The following CSMD1 variants were observed in gnomAD, a reference collection of about 807,000 sequenced individuals.
CSMD1 encodes the protein CUB and Sushi multiple domains 1, also known as CUB and sushi domain-containing protein 1.
Under a neutral mutation model 417.5 loss-of-function variants are expected in CSMD1, and 213 were observed. The observed-to-expected ratio is 0.51, with a 90% CI of 0.46 to 0.57. The LOEUF (loss-of-function observed/expected upper bound fraction) is 0.57, where lower values mean the gene tolerates loss of function less well. Ranked by LOEUF, CSMD1 falls within the 20% of genes least tolerant of loss-of-function variation. CSMD1 has a pLI of 0.00. For missense variants in CSMD1, 6,923 were observed against 4,529.7 expected (o/e 1.53, Z -15.17); for synonymous variants, 2,862 against 1,736.8 (o/e 1.65, Z -16.11).
chr8:3,954,914 C>A (rs1319120724), intron 5 of CSMD1, among the ~76,000 whole-genome samples: 2 of 152,206 alleles, frequency 1.3e-5, no homozygotes, highest in South Asian at 2.1e-4. Context: ...GCTCCTCCAT[C>A]TTTGTCCTTT....
At chr8:4,442,961 A>C (rs556299547) in intron 2 of CSMD1, among the ~76,000 whole-genome samples, 18 of 152,326 alleles carry the variant, frequency 1.2e-4, no homozygotes, top group African/African-American at 4.3e-4. Context: ...ACAGCACCAC[A>C]GGTATCTCCA....
At chr8:3,689,362 G>C (rs1309892833) in intron 7 of CSMD1, among the ~76,000 whole-genome samples, 1 of 152,122 alleles carries the variant, frequency 6.6e-6, no homozygotes, top group African/African-American at 2.4e-5. Flanking sequence ...TACCACCCTT[G>C]CTGATGCCAT....
chr8:3,546,751 C>T (rs1798683747), intron 10 of CSMD1, among the ~76,000 whole-genome samples: 1 of 152,134 alleles, frequency 6.6e-6, no homozygotes. Context: ...AATCAGCCTG[C>T]ACAGTTGTGT....
chr8:4,663,476 A>C (rs2130926465), intron 1 of CSMD1, among the ~76,000 whole-genome samples: 1 of 152,170 alleles, frequency 6.6e-6, no homozygotes, highest in African/African-American at 2.4e-5. Flanking sequence ...GCCTGGTGGG[A>C]GGTGATTGAA....
At chr8:4,851,902 T>G (rs73659214) in intron 1 of CSMD1, among the ~76,000 whole-genome samples, 9,706 of 152,242 alleles carry the variant, frequency 0.064, 354 homozygotes, top group African/African-American at 0.097. Context: ...AAATTTATAC[T>G]CATTTGCTAT....
At chr8:4,577,446 G>C (rs937740922) in intron 2 of CSMD1, among the ~76,000 whole-genome samples, 1 of 152,100 alleles carries the variant, frequency 6.6e-6, no homozygotes, top group Non-Finnish European at 1.5e-5. Context: ...AACCCAACAG[G>C]CTCCCAGCTC....
intron 41 of CSMD1, among the ~76,000 whole-genome samples, chr8:3,129,728 T>C (rs1226258204): frequency 6.7e-6 from 1 of 148,814 alleles, no homozygotes; most frequent in African/African-American, 2.5e-5. Context: ...GTGGCTCATG[T>C]TTGTAATCCC....
At chr8:4,215,309 C>A (rs1299962362) in intron 3 of CSMD1, among the ~76,000 whole-genome samples, 3 of 152,176 alleles carry the variant, frequency 2.0e-5, no homozygotes, top group African/African-American at 7.2e-5. Flanking sequence ...CTCCCCACCA[C>A]CCAATAGTTA....
At chr8:3,442,823 T>C (rs528759275) in intron 12 of CSMD1, among the ~76,000 whole-genome samples, 2 of 151,692 alleles carry the variant, frequency 1.3e-5, no homozygotes, top group South Asian at 2.1e-4. Flanking sequence ...GAGATATTAG[T>C]ACATAGATTT....
chr8:4,179,624 C>T (rs1357759068), intron 3 of CSMD1, among the ~76,000 whole-genome samples: 3 of 151,972 alleles, frequency 2.0e-5, no homozygotes, highest in Non-Finnish European at 4.4e-5. Flanking sequence ...AACAAACTAC[C>T]ATCAGAGTGA....
At chr8:4,035,792 AAAAAG>A (rs1407590568) in intron 3 of CSMD1, among the ~76,000 whole-genome samples, 1 of 152,198 alleles carries the variant, frequency 6.6e-6, no homozygotes, top group Non-Finnish European at 1.5e-5. Flanking sequence ...TTTATGATTA[AAAAAG>A]AAAAATGTGT....
At chr8:3,006,210 T>C (rs1323949260) in intron 52 of CSMD1, among the ~76,000 whole-genome samples, 4 of 151,908 alleles carry the variant, frequency 2.6e-5, no homozygotes. Flanking sequence ...GAATCCAATT[T>C]ACAAGGGATG....
At chr8:4,199,769 C>A (rs1317316927) in intron 3 of CSMD1, among the ~76,000 whole-genome samples, 2 of 152,094 alleles carry the variant, frequency 1.3e-5, no homozygotes, top group Non-Finnish European at 2.9e-5. Flanking sequence ...ACTGAAGACT[C>A]AAGGATAACA....
intron 2 of CSMD1, among the ~76,000 whole-genome samples, chr8:4,530,033 G>C (rs757626719): frequency 1.3e-5 from 2 of 152,064 alleles, no homozygotes; most frequent in Middle Eastern, 6.8e-3. Context: ...TCCTGCCTCA[G>C]CCTCCAGAGT....
intron 4 of CSMD1, among the ~76,000 whole-genome samples, chr8:4,001,675 G>C (rs1275523621): frequency 2.0e-5 from 3 of 152,076 alleles, no homozygotes; most frequent in Non-Finnish European, 4.4e-5. Context: ...CATTTTCCTA[G>C]AATTTCCGTT....
At chr8:3,773,079 G>C (rs1013488879) in intron 5 of CSMD1, among the ~76,000 whole-genome samples, 4 of 152,040 alleles carry the variant, frequency 2.6e-5, no homozygotes, top group African/African-American at 4.8e-5. Flanking sequence ...TCTTCTATAA[G>C]GACACTAATC....
intron 5 of CSMD1, among the ~76,000 whole-genome samples, chr8:3,816,879 A>G (rs1174599381): frequency 2.0e-5 from 3 of 152,150 alleles, no homozygotes; most frequent in East Asian, 3.9e-4. Context: ...GGGGCACTAT[A>G]TATTTCACTT....
At chr8:4,303,111 A>G (rs1798067361) in intron 3 of CSMD1, among the ~76,000 whole-genome samples, 1 of 152,132 alleles carries the variant, frequency 6.6e-6, no homozygotes, top group African/African-American at 2.4e-5. Context: ...AAAAGGAATT[A>G]AAATAAGGAC....
intron 1 of CSMD1, among the ~76,000 whole-genome samples, chr8:4,770,475 G>A (rs75341867): frequency 0.016 from 2,381 of 150,528 alleles, 63 homozygotes; most frequent in African/African-American, 0.056. Context: ...TCTAAAATGT[G>A]TGTGGAACCC....
Sources: allele counts gnomAD v4.1 joint callset (sites outside exome capture counted in the v4.1 genomes callset), GRCh38; gene constraint gnomAD v4.1.1; transcripts MANE v1.5; gene names NCBI Gene and HGNC (gene_info 2026-07-23, HGNC 2026-07-21).